The following CHRDL1 variants were observed in gnomAD, a reference collection of about 807,000 sequenced individuals.
CHRDL1 encodes the protein chordin like 1, also known as chordin-like protein 1.
In CHRDL1, 19 loss-of-function variants were observed where a neutral mutation model predicts 40.9. The observed-to-expected ratio is 0.46, with a 90% CI of 0.32 to 0.68. CHRDL1 has a LOEUF of 0.68. Among genes scored for constraint, CHRDL1 ranks in the 30% least tolerant of loss-of-function variants. The probability of loss-of-function intolerance (pLI) is 0.03; values close to 1 mark genes in which losing one functional copy is unlikely to be tolerated. For synonymous variants in CHRDL1, 136 were observed against 123.4 expected (o/e 1.10, Z -0.68); for missense variants, 329 against 352.1 (o/e 0.93, Z 0.53).
chrX:110,758,134 A>C (rs767622122), intron 4 of CHRDL1, among the ~76,000 whole-genome samples: 59 of 106,097 alleles, frequency 5.6e-4, no homozygotes, highest in East Asian at 8.5e-4. Context: ...AAAAAACAAA[A>C]AAAAAAAAAA....
intron 2 of CHRDL1, among the ~76,000 whole-genome samples, chrX:110,764,888 G>T (rs1319466339): frequency 9.0e-6 from 1 of 111,062 alleles, no homozygotes; most frequent in Non-Finnish European, 1.9e-5. Context: ...AGGCTTACTA[G>T]GGTGGGGAAA....
intron 4 of CHRDL1, among the ~76,000 whole-genome samples, chrX:110,749,659 C>T (rs2089321883): frequency 8.9e-6 from 1 of 111,796 alleles, no homozygotes; most frequent in Admixed American, 9.5e-5. Flanking sequence ...CAATAACTGA[C>T]ACCCTAAGTC....
intron 8 of CHRDL1, among the ~76,000 whole-genome samples, chrX:110,689,681 ATC>A (rs755826452): frequency 2.7e-5 from 1 of 37,400 alleles, no homozygotes; most frequent in Non-Finnish European, 3.9e-5. Flanking sequence ...ATATCTATAT[ATC>A]TATATATCTA....
chrX:110,685,617 AGC>A (rs1276109804), intron 9 of CHRDL1, among the ~76,000 whole-genome samples: 174 of 111,841 alleles, frequency 1.6e-3, no homozygotes, highest in African/African-American at 5.3e-3. Context: ...ATTGTTCTTT[AGC>A]TTGCTATTTT....
intron 4 of CHRDL1, among the ~76,000 whole-genome samples, chrX:110,758,711 T>C (rs1330188257): frequency 8.9e-6 from 1 of 111,942 alleles, no homozygotes; most frequent in African/African-American, 3.3e-5. Context: ...TGGTTCTTCC[T>C]GTACACCCCT....
Position 110,676,258 on chromosome X carries a change from C to T in CHRDL1, c.1350G>A (p.Leu450=). 8.3e-7 allele frequency: 1 copy of T among 1,209,685 alleles called. No individual in the cohort carries two copies. ...AACAGTGGCCCTTTTCAGATCTCTC[C>T]AGGTACAAAACCTTGACTAAATCTT... ...ELEDLVKVLY[L]ERSEKGHC is the part of the protein sequence containing the mutation. The change falls in exon 12 of 12, where the codon CTG becomes CTA. Residue 450 remains leucine (L), a synonymous_variant. Coordinates refer to ENST00000372042, the MANE Select transcript of CHRDL1 (RefSeq NM_001143981.2).
chrX:110,780,083 T>C (rs2089916349), intron 2 of CHRDL1, among the ~76,000 whole-genome samples: 1 of 111,727 alleles, frequency 9.0e-6, no homozygotes, highest in Non-Finnish European at 1.9e-5. Flanking sequence ...GTCATTGTTG[T>C]TGATCCCTTG....
At chrX:110,688,947 T>C in intron 8 of CHRDL1, 144 bp from the exon 9 acceptor site, 1 of 457,167 alleles carries the variant, frequency 2.2e-6, no homozygotes, top group Non-Finnish European at 3.7e-6. Flanking sequence ...CCGAGTAGTA[T>C]CTGTGACCAA....
At chrX:110,678,569 C>A in intron 11 of CHRDL1, among the ~76,000 whole-genome samples, 1 of 111,342 alleles carries the variant, frequency 9.0e-6, no homozygotes, top group East Asian at 2.8e-4. Context: ...CACACCTCCT[C>A]CCCGAAGCCT....
intron 4 of CHRDL1, among the ~76,000 whole-genome samples, chrX:110,755,481 T>C (rs1381568254): frequency 2.7e-5 from 3 of 111,096 alleles, no homozygotes; most frequent in Non-Finnish European, 5.7e-5. Flanking sequence ...GGGAAATACA[T>C]AAACAAATGA....
intron 4 of CHRDL1, among the ~76,000 whole-genome samples, chrX:110,726,865 A>C (rs1341336077): frequency 8.9e-6 from 1 of 111,747 alleles, no homozygotes. Context: ...TCAAAACACT[A>C]TTTCTCTCTT....
intron 4 of CHRDL1, among the ~76,000 whole-genome samples, chrX:110,755,014 T>C (rs1485067462): frequency 6.3e-5 from 7 of 110,480 alleles, no homozygotes; most frequent in African/African-American, 2.3e-4. Context: ...AAATAAGTCA[T>C]GTTGTTTTAC....
Position 110,780,314 on chromosome X carries a change from T to G in CHRDL1, c.94+11774A>C, listed in dbSNP as rs192486263. Among the ~76,000 whole-genome samples the G allele has an allele frequency of 1.2e-3, 136 of 111,235 alleles. 1 individual carries two copies. In the East Asian group the frequency reaches 0.023, roughly 19 times the overall value. On this transcript the variant is annotated intron_variant, in intron 2 of 11. Coordinates refer to ENST00000372042, the MANE Select transcript of CHRDL1 (RefSeq NM_001143981.2). ...AGCTCTTTCTGATCTTTTTTTTCCA[T>G]GGGTTATGTGTATTAAGGTTTTATT...
chrX:110,686,899 A>AC (rs1488559667), intron 9 of CHRDL1, among the ~76,000 whole-genome samples: 2 of 94,314 alleles, frequency 2.1e-5, no homozygotes, highest in African/African-American at 9.8e-5. Context: ...AACAAAAAAT[A>AC]AAAAAAAAAA....
chrX:110,788,974 GA>G (rs1262628582), intron 2 of CHRDL1, among the ~76,000 whole-genome samples: 39 of 111,367 alleles, frequency 3.5e-4, no homozygotes, highest in African/African-American at 9.7e-4. Flanking sequence ...CTAGGAATAA[GA>G]AATCCAGAAG....
At position 110,736,381 on chromosome X, in the gene CHRDL1, A is replaced by G. The variant is rs370597094; in HGVS notation, c.302-14851T>C. Among the ~76,000 whole-genome samples the G allele has an allele frequency of 4.7e-4, 53 of 112,319 alleles. 2 individuals carry two copies. Among genetic ancestry groups the G allele is most frequent in the African/African-American group, 1.5e-3 (45 of 30,946 alleles). ...GATGGTGACAATTCCTTAGGAAAGA[A>G]AGGTGTGAAAAGTAAAAATATGTCA... On this transcript the variant is annotated intron_variant, in intron 4 of 11. Coordinates refer to ENST00000372042, the MANE Select transcript of CHRDL1 (RefSeq NM_001143981.2).
At chrX:110,729,637 G>A (rs181981404) in intron 4 of CHRDL1, among the ~76,000 whole-genome samples, 16 of 111,945 alleles carry the variant, frequency 1.4e-4, no homozygotes, top group East Asian at 2.8e-4. Context: ...GTAGAGCACC[G>A]GGTAAAGAGT....
intron 2 of CHRDL1, among the ~76,000 whole-genome samples, chrX:110,780,014 T>C (rs1201885793): frequency 1.8e-5 from 2 of 111,776 alleles, no homozygotes; most frequent in Admixed American, 1.9e-4. Flanking sequence ...TTGACTTTTA[T>C]ATTAACTTTG....
chrX:110,694,960 T>C (rs5942680), intron 7 of CHRDL1, among the ~76,000 whole-genome samples: 45,429 of 110,065 alleles, frequency 0.41, 7,411 homozygotes, highest in African/African-American at 0.54. Flanking sequence ...AGACTTTAAA[T>C]GACAGGCTAA....
Sources: allele counts gnomAD v4.1 joint callset (sites outside exome capture counted in the v4.1 genomes callset), GRCh38; gene constraint gnomAD v4.1.1; transcripts MANE v1.5; gene names NCBI Gene and HGNC (gene_info 2026-07-23, HGNC 2026-07-21).